The following SOX30 variants were observed in gnomAD, a reference collection of about 807,000 sequenced individuals.
SOX30 encodes SRY-box transcription factor 30, also known as transcription factor SOX-30.
SOX30 carries 17 observed loss-of-function variants against 58.6 expected under a neutral mutation model. That is an observed-to-expected ratio of 0.29 (90% CI 0.20 to 0.44). SOX30 has a LOEUF of 0.44. Among genes scored for constraint, SOX30 ranks in the 20% least tolerant of loss-of-function variants. The probability of loss-of-function intolerance (pLI) is 1.00; values close to 1 mark genes in which losing one functional copy is unlikely to be tolerated. For synonymous variants in SOX30, 421 were observed against 400.2 expected (o/e 1.05, Z -0.62); for missense variants, 951 against 965.8 (o/e 0.98, Z 0.20).
At chr5:157,660,703 G>C (rs1350134097) in intron 2 of SOX30, among the ~76,000 whole-genome samples, 2 of 151,778 alleles carry the variant, frequency 1.3e-5, no homozygotes, top group Non-Finnish European at 2.9e-5. Flanking sequence ...GATTACTCTA[G>C]CTTTATGGTA....
chr5:157,650,919 A>C (rs1408710759), intron 1 of SOX30, among the ~76,000 whole-genome samples, 193 bp downstream of exon 1: 1 of 152,220 alleles, frequency 6.6e-6, no homozygotes, highest in Non-Finnish European at 1.5e-5. Flanking sequence ...ATACTTGAGA[A>C]TCTTGAAGGC....
Position 157,651,579 on chromosome 5 carries a change from T to C in SOX30, c.500A>G (p.Lys167Arg). The C allele has an allele frequency of 6.2e-7, 1 of 1,613,232 alleles. No homozygotes were observed. The highest frequency in any genetic ancestry group is 1.3e-5 in the African/African-American group (1 of 75,064). Residue 167 changes from lysine (K) to arginine (R), a missense_variant, in exon 1 of 5, where the codon AAG becomes AGG. Lys to Arg is a conservative substitution (Grantham distance 26). Coordinates refer to ENST00000265007, the MANE Select transcript of SOX30 (RefSeq NM_178424.2). ...GAGGGCCGGCCCGGGGCCTTCCAACTTGACCACCCTGGAGGCTCTAGGACC... is the reference window on the plus strand; with the variant it reads ...GAGGGCCGGCCCGGGGCCTTCCAACCTGACCACCCTGGAGGCTCTAGGACC... ...ETGPRASRVV[K>R]LEGPGPALGY...
At chr5:157,644,047 A>G (rs1273201800) in intron 3 of SOX30, among the ~76,000 whole-genome samples, 1 of 152,250 alleles carries the variant, frequency 6.6e-6, no homozygotes, top group Non-Finnish European at 1.5e-5. Flanking sequence ...TGATTGGGGA[A>G]CAAAATAGCA....
intron 2 of SOX30, among the ~76,000 whole-genome samples, chr5:157,667,197 C>T (rs1461429972): frequency 6.6e-6 from 1 of 152,090 alleles, no homozygotes; most frequent in East Asian, 1.9e-4. Context: ...TGACTGCTGC[C>T]CCAGACTCCT....
At chr5:157,629,821 T>C (rs1758745705) in intron 4 of SOX30, among the ~76,000 whole-genome samples, 1 of 152,146 alleles carries the variant, frequency 6.6e-6, no homozygotes. Flanking sequence ...CAAAGTGATA[T>C]AATTAGTAAG....
intron 3 of SOX30, among the ~76,000 whole-genome samples, chr5:157,644,215 G>A (rs1031084213): frequency 6.6e-6 from 1 of 151,948 alleles, no homozygotes; most frequent in South Asian, 2.1e-4. Context: ...GGCTAGTCTC[G>A]AACTCCTAGG....
intron 4 of SOX30, among the ~76,000 whole-genome samples, chr5:157,635,038 G>C (rs111348537): frequency 6.6e-6 from 1 of 152,308 alleles, no homozygotes; most frequent in African/African-American, 2.4e-5. Context: ...AGGGTTTACT[G>C]AAATATACTA....
At position 157,638,555 on chromosome 5, in the gene SOX30, T is replaced by C. The variant is rs781097646; in HGVS notation, c.1555A>G (p.Thr519Ala). The C allele has an allele frequency of 3.6e-5, 58 of 1,613,932 alleles. No individual in the cohort carries two copies. The highest frequency in any genetic ancestry group is 4.7e-5 in the Non-Finnish European group (56 of 1,180,016). ...TCAGAATGCAGCTGATGAGTGTCTG[T>C]TTGGGAAGGCCCAGTAAAGCGTTGG... ...PPQRFTGPSQ[T>A]DTHQLHSEAT... Residue 519 changes from threonine to alanine, a missense_variant, in exon 4 of 5, where the codon ACA becomes GCA. This residue lies in a region of SOX30 where 381 missense variants were observed against 390.0 expected (regional missense o/e 0.98). Transcript: ENST00000265007.
chr5:157,648,785 G>C lies in SOX30; in HGVS notation c.1079C>G (p.Pro360Arg), dbSNP rs1480652766. The change falls in exon 2 of 5, where the codon CCA (proline) becomes CGA (arginine). Residue 360 changes from proline to arginine, a missense_variant. This residue lies in a region of SOX30 where 57 missense variants were observed against 104.0 expected (regional missense o/e 0.55). Coordinates refer to ENST00000265007, the MANE Select transcript of SOX30 (RefSeq NM_178424.2). ...IHRPALAKAN[P>R]AANNAEISVQ... ...ACTGATTTCTGCATTGTTGGCTGCT[G>C]GGTTAGCTTTGGCTAGTGCTGGTCG... 6.2e-7 allele frequency: 1 copy of C among 1,613,156 alleles called. No homozygotes were observed. Among genetic ancestry groups the C allele is most frequent in the African/African-American group, 1.3e-5 (1 of 74,548 alleles).
intron 1 of SOX30, among the ~76,000 whole-genome samples, chr5:157,668,349 G>T (rs1234708123): frequency 6.6e-6 from 1 of 152,178 alleles, no homozygotes; most frequent in Non-Finnish European, 1.5e-5. Context: ...AATTTGGTGG[G>T]TCCAGAGGAT....
At chr5:157,647,423 C>T (rs554302512) in intron 2 of SOX30, among the ~76,000 whole-genome samples, 2 of 152,162 alleles carry the variant, frequency 1.3e-5, no homozygotes, top group African/African-American at 4.8e-5. Flanking sequence ...ACATCAAAAC[C>T]GCTGTATTTG....
rs1276939531 is a variant in SOX30, at chr5:157,651,958, G to T, written c.121C>A (p.Pro41Thr). ...AAAMEPPPSS[P>T]TLSAAASATL... is the part of the protein sequence containing the mutation. ...GCACTGGCTGCCGCGCTCAGTGTGGGAGACGACGGAGGGGGCTCCATGGCT... is the reference window on the plus strand; with the variant it reads ...GCACTGGCTGCCGCGCTCAGTGTGGTAGACGACGGAGGGGGCTCCATGGCT... The change falls in exon 1 of 5, where the codon CCC becomes ACC. Residue 41 changes from proline (P) to threonine (T), a missense_variant. Physicochemically the swap from Pro to Thr is conservative, Grantham distance 38. Around this residue, in one of 7 missense-constraint regions of SOX30, gnomAD observed 363 missense variants for 294.5 expected, o/e 1.23. Coordinates refer to ENST00000265007, the MANE Select transcript of SOX30 (RefSeq NM_178424.2). 2.7e-6 allele frequency: 4 copies of T among 1,472,662 alleles called. No homozygotes were observed. The African/African-American group carries it at 4.3e-5, about 16-fold the overall frequency. The allele number at this position is 1,472,662 out of a possible 1,614,324, so 91.2% of individuals were successfully genotyped here. A position where few individuals can be genotyped will look rare whatever the true frequency, so the allele number is the denominator to read the frequency against.
intron 4 of SOX30, among the ~76,000 whole-genome samples, chr5:157,631,759 C>T (rs1427202345): frequency 8.9e-6 from 1 of 112,862 alleles, no homozygotes; most frequent in Non-Finnish European, 1.8e-5. Context: ...AGTGGGAACT[C>T]GTCTCAAAAA....
intron 1 of SOX30, 140 bp downstream of exon 1, chr5:157,650,972 G>T (rs1409695709): frequency 1.6e-6 from 1 of 621,332 alleles, no homozygotes; most frequent in Non-Finnish European, 2.8e-6. Flanking sequence ...GATCAGAAGT[G>T]ATACCTGTGC....
At chr5:157,668,085 A>G (rs1485680980) in intron 1 of SOX30, among the ~76,000 whole-genome samples, 1 of 152,208 alleles carries the variant, frequency 6.6e-6, no homozygotes, top group Non-Finnish European at 1.5e-5. Flanking sequence ...AGTGATTCTC[A>G]GCTTCATTAT....
At position 157,651,909 on chromosome 5, in the gene SOX30, TC is replaced by T; in HGVS notation, c.169del (p.Glu57ArgfsTer17). The T allele has an allele frequency of 6.6e-7, 1 of 1,520,984 alleles. No individual in the cohort carries two copies. Among genetic ancestry groups the T allele is most frequent in the Admixed American group, 2.0e-5 (1 of 48,918 alleles). 94.2% of individuals were successfully genotyped at this position (1,520,984 alleles called of 1,614,324 possible). ...ASATLASSCG[E>X]AVASGLQPAV... is the part of the protein sequence containing the mutation. ...GGGCTGTAAGCCGGACGCCACTGCC[TC>T]CCCGCACGACGAGGCCAAGGTCGCA... On this transcript the variant is annotated frameshift_variant, in exon 1 of 5. Coordinates refer to ENST00000265007, the MANE Select transcript of SOX30 (RefSeq NM_178424.2). LOFTEE classifies it high-confidence loss of function.
At position 157,648,687 on chromosome 5, in the gene SOX30, T is replaced by C; in HGVS notation, c.1177A>G (p.Ile393Val). The C allele has an allele frequency of 6.2e-7, 1 of 1,613,844 alleles. No homozygotes were observed. Among genetic ancestry groups the C allele is most frequent in the Non-Finnish European group, 8.5e-7 (1 of 1,179,938 alleles). ...AATTCCTCTCTGTGCTTTTCCTTAATCTTTTGTGCTTCATCGTAATAGGGT... is the reference window on the plus strand; with the variant it reads ...AATTCCTCTCTGTGCTTTTCCTTAACCTTTTGTGCTTCATCGTAATAGGGT... ...KKPYYDEAQK[I>V]KEKHREEFPG... Residue 393 changes from isoleucine (I) to valine (V), a missense_variant, in exon 2 of 5, where the codon ATT (isoleucine) becomes GTT (valine). Ile to Val is a conservative substitution (Grantham distance 29). This residue lies in a region of SOX30 where 57 missense variants were observed against 104.0 expected (regional missense o/e 0.55). Transcript: ENST00000265007.
At position 157,651,933 on chromosome 5, in the gene SOX30, G is replaced by C; in HGVS notation, c.146C>G (p.Ala49Gly). The stretch of plus-strand genomic sequence containing the variant: ...CTCCCCGCACGACGAGGCCAAGGTC[G>C]CACTGGCTGCCGCGCTCAGTGTGGG... ...SSPTLSAAASATLASSCGEAV... is the reference protein window; with the variant it reads ...SSPTLSAAASGTLASSCGEAV... Residue 49 changes from alanine (A) to glycine (G), a missense_variant, in exon 1 of 5, where the codon GCG (alanine) becomes GGG (glycine). By Grantham distance (60) the Ala-to-Gly change is moderately conservative. Transcript: ENST00000265007. 6.7e-7 allele frequency: 1 copy of C among 1,498,124 alleles called. No individual in the cohort carries two copies. The highest frequency in any genetic ancestry group is 2.2e-5 in the Admixed American group (1 of 45,626). 92.8% of individuals were successfully genotyped at this position (1,498,124 alleles called of 1,614,324 possible).
At position 157,652,084 on chromosome 5, in the gene SOX30, A is replaced by AG. The variant is rs900462789; in HGVS notation, c.-7dup. Reference sequence around the variant, plus strand: ...TCGGGTCTGGCTCTCTCCATGGGGGAGGGGGACGCCCCGGCCAGGATTGTG... The same window carrying AG: ...TCGGGTCTGGCTCTCTCCATGGGGGAGGGGGGACGCCCCGGCCAGGATTGTG... On this transcript the variant is annotated 5_prime_UTR_variant, in exon 1 of 5. Coordinates refer to ENST00000265007, the MANE Select transcript of SOX30 (RefSeq NM_178424.2). The AG allele has an allele frequency of 1.4e-6, 2 of 1,397,302 alleles. No individual in the cohort carries two copies. Among genetic ancestry groups the AG allele is most frequent in the African/African-American group, 3.0e-5 (2 of 65,698 alleles). The allele number at this position is 1,397,302 out of a possible 1,614,324, so 86.6% of individuals were successfully genotyped here.
Sources: gnomAD v4.1 joint callset for allele counts (sites outside exome capture counted in the v4.1 genomes callset) on GRCh38, gnomAD v4.1.1 for gene constraint, gnomAD v4.1.1 regional missense constraint, MANE v1.5 for transcripts, NCBI Gene and HGNC (gene_info 2026-07-23, HGNC 2026-07-21) for gene names.